DIAPH3: variants seen among roughly 807,000 people sequenced by gnomAD.
DIAPH3 encodes the protein protein diaphanous homolog 3.
DIAPH3 carries 117 observed loss-of-function variants against 144.3 expected under a neutral mutation model. That is an observed-to-expected ratio of 0.81 (90% CI 0.70 to 0.95). The LOEUF is 0.95. Ranked by LOEUF, DIAPH3 falls within the 40% of genes least tolerant of loss-of-function variation. The probability of loss-of-function intolerance (pLI) is 0.00; values close to 1 mark genes in which losing one functional copy is unlikely to be tolerated. For missense variants in DIAPH3, 1,421 were observed against 1,412.7 expected (o/e 1.01, Z -0.09); for synonymous variants, 519 against 488.9 (o/e 1.06, Z -0.81).
At chr13:59,724,020 G>A (rs2035488617) in intron 27 of DIAPH3, among the ~76,000 whole-genome samples, 1 of 150,474 alleles carries the variant, frequency 6.6e-6, no homozygotes, top group African/African-American at 2.4e-5. Context: ...CAGTTTTTGT[G>A]ATAAAGGGAT....
chr13:59,864,266 AAC>A (rs1162620656), intron 21 of DIAPH3, among the ~76,000 whole-genome samples: 1 of 152,072 alleles, frequency 6.6e-6, no homozygotes, highest in Non-Finnish European at 1.5e-5. Flanking sequence ...AACTTTTACA[AAC>A]AGTTTTCTCT....
intron 25 of DIAPH3, among the ~76,000 whole-genome samples, chr13:59,798,211 T>A (rs571666495): frequency 6.6e-6 from 1 of 152,316 alleles, no homozygotes; most frequent in East Asian, 1.9e-4. Flanking sequence ...AAATTGCAAG[T>A]GTCCTAATTA....
intron 9 of DIAPH3, among the ~76,000 whole-genome samples, chr13:60,000,173 T>C (rs899161675): frequency 6.6e-6 from 1 of 152,174 alleles, no homozygotes; most frequent in Non-Finnish European, 1.5e-5. Flanking sequence ...CTGGATTATA[T>C]TCCTTGCTTT....
intron 27 of DIAPH3, among the ~76,000 whole-genome samples, chr13:59,680,487 C>A (rs1019676552): frequency 1.1e-4 from 16 of 151,952 alleles, no homozygotes; most frequent in African/African-American, 3.9e-4. Context: ...ATTAGACCAG[C>A]AGAACTTCAG....
intron 17 of DIAPH3, among the ~76,000 whole-genome samples, chr13:59,925,729 G>A (rs954416093): frequency 6.6e-6 from 1 of 152,034 alleles, no homozygotes; most frequent in Non-Finnish European, 1.5e-5. Flanking sequence ...GTCTGCTCAG[G>A]TTTCCTATTC....
intron 4 of DIAPH3, among the ~76,000 whole-genome samples, chr13:60,070,764 G>A (rs1042383135): frequency 5.3e-5 from 8 of 152,038 alleles, no homozygotes; most frequent in East Asian, 3.9e-4. Flanking sequence ...GATACACTGC[G>A]GCTTTATGTC....
chr13:60,130,865 T>A (rs1201972191), intron 2 of DIAPH3, among the ~76,000 whole-genome samples: 1 of 151,932 alleles, frequency 6.6e-6, no homozygotes, highest in African/African-American at 2.4e-5. Context: ...AGGTGAGGAA[T>A]GGGGGAAGGT....
intron 1 of DIAPH3, among the ~76,000 whole-genome samples, chr13:60,160,753 G>A (rs535311792): frequency 3.3e-5 from 5 of 152,192 alleles, no homozygotes; most frequent in South Asian, 2.1e-4. Flanking sequence ...CAATGCTCAC[G>A]GCTTAAGATA....
chr13:59,831,297 T>C (rs985114270), intron 24 of DIAPH3, among the ~76,000 whole-genome samples: 2 of 151,824 alleles, frequency 1.3e-5, no homozygotes, highest in African/African-American at 4.8e-5. Flanking sequence ...GAAGGGCTCA[T>C]AGAACTCAGA....
At chr13:59,808,322 A>C (rs1268662550) in intron 25 of DIAPH3, among the ~76,000 whole-genome samples, 1 of 151,974 alleles carries the variant, frequency 6.6e-6, no homozygotes, top group Non-Finnish European at 1.5e-5. Context: ...AGGAACTAAA[A>C]ATGAACTTAT....
At chr13:60,124,451 T>G (rs902745627) in intron 2 of DIAPH3, among the ~76,000 whole-genome samples, 4 of 152,204 alleles carry the variant, frequency 2.6e-5, no homozygotes, top group Non-Finnish European at 5.9e-5. Flanking sequence ...CACTATTTTT[T>G]GGGGTGGATT....
rs143575168 is a variant in DIAPH3 at position 59,978,314 on chromosome 13, T to C, written c.1545+2481A>G. On this transcript the variant is annotated intron_variant, in intron 14 of 27. Coordinates refer to ENST00000400324, the MANE Select transcript of DIAPH3 (RefSeq NM_001042517.2). Reference sequence around the variant, plus strand: ...TCACTCTCCCAGCATCAGAAATCTTTGAGAGGTCATTTTCTCTTTTTGACA... The same window carrying C: ...TCACTCTCCCAGCATCAGAAATCTTCGAGAGGTCATTTTCTCTTTTTGACA... 7.0e-4 allele frequency among the ~76,000 whole-genome samples: 107 copies of C among 151,798 alleles called. 1 individual carries two copies. In the East Asian group the frequency reaches 0.013, roughly 19 times the overall value.
rs921922529 is a variant in DIAPH3 at position 59,756,444 on chromosome 13, AGAAG to A, written c.3319+17741_3319+17744del. 3.2e-3 allele frequency among the ~76,000 whole-genome samples: 388 copies of A among 122,736 alleles called. 2 individuals are homozygous for A. Among genetic ancestry groups the A allele is most frequent in the African/African-American group, 5.9e-3 (178 of 30,274 alleles). The allele number at this position is 122,736 out of a possible 152,430, so 80.5% of individuals were successfully genotyped here. A position where few individuals can be genotyped will look rare whatever the true frequency, so the allele number is the denominator to read the frequency against. The stretch of plus-strand genomic sequence containing the variant: ...AGGAAGGAAGGAAGGAAGGAAGGAA[AGAAG>A]GAAGGAAGGAAGGAAGGAAAGAAGG... On this transcript the variant is annotated intron_variant, in intron 27 of 27. Transcript: ENST00000400324.
chr13:59,913,951 G>C (rs1417852895), intron 19 of DIAPH3, among the ~76,000 whole-genome samples: 1 of 151,294 alleles, frequency 6.6e-6, no homozygotes. Flanking sequence ...GTCTCACTCT[G>C]TCTCAAAAAA....
At chr13:59,740,722 T>C (rs2036399037) in intron 27 of DIAPH3, among the ~76,000 whole-genome samples, 1 of 152,212 alleles carries the variant, frequency 6.6e-6, no homozygotes, top group Non-Finnish European at 1.5e-5. Flanking sequence ...TTAGGTAACT[T>C]ATCTACCTTT....
At chr13:60,086,885 T>G (rs1230808928) in intron 4 of DIAPH3, among the ~76,000 whole-genome samples, 1 of 152,124 alleles carries the variant, frequency 6.6e-6, no homozygotes, top group Non-Finnish European at 1.5e-5. Flanking sequence ...TTCCAGATTT[T>G]CCATGTAGAG....
At chr13:59,685,365 C>T (rs2033160785) in intron 27 of DIAPH3, among the ~76,000 whole-genome samples, 1 of 152,062 alleles carries the variant, frequency 6.6e-6, no homozygotes, top group African/African-American at 2.4e-5. Context: ...GAACAATTGA[C>T]ATCTCTTGTT....
At chr13:59,911,679 G>C (rs1300810740) in intron 20 of DIAPH3, 56 bp downstream of exon 20, 1 of 1,267,474 alleles carries the variant, frequency 7.9e-7, no homozygotes, top group Admixed American at 1.7e-5. Flanking sequence ...AAAAACAGTT[G>C]ACAGGTTCTC....
chr13:59,887,946 T>C (rs1041669839), intron 20 of DIAPH3, among the ~76,000 whole-genome samples: 6 of 152,162 alleles, frequency 3.9e-5, no homozygotes, highest in Non-Finnish European at 7.4e-5. Context: ...TTTGTTATTG[T>C]ATACTGATAC....
Sources: allele counts gnomAD v4.1 joint callset (sites outside exome capture counted in the v4.1 genomes callset), GRCh38; gene constraint gnomAD v4.1.1; transcripts MANE v1.5; gene names NCBI Gene and HGNC (gene_info 2026-07-23, HGNC 2026-07-21).